Variants in C13orf42 observed in about 807,000 individuals in gnomAD.
C13orf42 encodes chromosome 13 open reading frame 42, also known as uncharacterized protein C13orf42.
At chr13:51,147,244 A>G (rs1953742562) in intron 1 of C13orf42, among the ~76,000 whole-genome samples, 1 of 151,866 alleles carries the variant, frequency 6.6e-6, no homozygotes, top group South Asian at 2.1e-4. Flanking sequence ...CCCCTTTCTT[A>G]TCTCCTACAC....
intron 1 of C13orf42, among the ~76,000 whole-genome samples, chr13:51,130,862 A>AAAT (rs1555267618): frequency 9.4e-5 from 14 of 148,238 alleles, no homozygotes; most frequent in African/African-American, 2.2e-4. Context: ...GTAAAAAAAA[A>AAAT]ATATATATAT....
intron 1 of C13orf42, among the ~76,000 whole-genome samples, chr13:51,156,595 T>C (rs1023782838): frequency 6.6e-6 from 1 of 152,226 alleles, no homozygotes; most frequent in Non-Finnish European, 1.5e-5. Context: ...TTACTTGTTA[T>C]AAGGTCTCTT....
intron 1 of C13orf42, among the ~76,000 whole-genome samples, chr13:51,156,194 T>C (rs1252731707): frequency 6.6e-6 from 1 of 152,128 alleles, no homozygotes; most frequent in Non-Finnish European, 1.5e-5. Context: ...TGTTAACCCA[T>C]AGGAGGGAGG....
At chr13:51,150,537 A>C (rs1269647008) in intron 1 of C13orf42, among the ~76,000 whole-genome samples, 1 of 152,208 alleles carries the variant, frequency 6.6e-6, no homozygotes, top group Non-Finnish European at 1.5e-5. Flanking sequence ...TTTGGCATAA[A>C]TTCTGCGTAA....
intron 1 of C13orf42, among the ~76,000 whole-genome samples, chr13:51,121,605 G>A (rs1460771543): frequency 1.4e-5 from 2 of 146,150 alleles, no homozygotes; most frequent in Admixed American, 7.0e-5. Context: ...GCGTGGTCTC[G>A]GCTCACTGCA....
intron 1 of C13orf42, among the ~76,000 whole-genome samples, chr13:51,156,631 G>A (rs1953825939): frequency 6.6e-6 from 1 of 152,142 alleles, no homozygotes; most frequent in African/African-American, 2.4e-5. Flanking sequence ...GTGATAAAAT[G>A]GAACAAAAGA....
chr13:51,156,650 A>G (rs1282741966), intron 1 of C13orf42, among the ~76,000 whole-genome samples: 2 of 152,234 alleles, frequency 1.3e-5, no homozygotes, highest in Non-Finnish European at 2.9e-5. Flanking sequence ...GACACCTACC[A>G]TATAAGATTA....
intron 1 of C13orf42, among the ~76,000 whole-genome samples, chr13:51,106,426 T>C (rs1953356453): frequency 1.3e-5 from 2 of 152,202 alleles, no homozygotes; most frequent in South Asian, 4.1e-4. Context: ...TTCTAGGTTA[T>C]ACAATATCAA....
chr13:51,126,260 A>G (rs1593543957), intron 1 of C13orf42, among the ~76,000 whole-genome samples: 1 of 152,348 alleles, frequency 6.6e-6, no homozygotes, highest in Middle Eastern at 3.4e-3. Context: ...TATGAACAGC[A>G]GTGCCAATGA....
intron 1 of C13orf42, among the ~76,000 whole-genome samples, chr13:51,153,993 C>T (rs1240412026): frequency 6.6e-6 from 1 of 152,096 alleles, no homozygotes; most frequent in African/African-American, 2.4e-5. Context: ...CATTACTCCC[C>T]ATTTTCCCCT....
chr13:51,132,934 G>T (rs1313741309), intron 1 of C13orf42, among the ~76,000 whole-genome samples: 4 of 152,078 alleles, frequency 2.6e-5, no homozygotes, highest in African/African-American at 7.2e-5. Context: ...AGTGACCACT[G>T]GTCGTCCTCA....
At chr13:51,162,976 A>G (rs753822590) in intron 1 of C13orf42, among the ~76,000 whole-genome samples, 3 of 152,168 alleles carry the variant, frequency 2.0e-5, no homozygotes, top group African/African-American at 4.8e-5. Context: ...CTTAAGTAAC[A>G]TATATTGAGG....
chr13:51,164,690 T>A (rs1170663528), intron 1 of C13orf42, among the ~76,000 whole-genome samples: 3 of 152,150 alleles, frequency 2.0e-5, no homozygotes, highest in Non-Finnish European at 4.4e-5. Context: ...AAAACCTGAA[T>A]AACAATTTTT....
intron 1 of C13orf42, among the ~76,000 whole-genome samples, chr13:51,129,225 C>T (rs1234816653): frequency 6.6e-6 from 1 of 152,212 alleles, no homozygotes; most frequent in Non-Finnish European, 1.5e-5. Flanking sequence ...CTCAGCTGGA[C>T]TGGCAAAACA....
intron 1 of C13orf42, among the ~76,000 whole-genome samples, chr13:51,164,561 G>A (rs540478948): frequency 3.3e-5 from 5 of 152,290 alleles, no homozygotes; most frequent in Middle Eastern, 3.4e-3. Context: ...TCAGGAGGCC[G>A]AAGTAGGAGG....
At chr13:51,126,396 C>A (rs1279693002) in intron 1 of C13orf42, among the ~76,000 whole-genome samples, 6 of 152,126 alleles carry the variant, frequency 3.9e-5, no homozygotes, top group Non-Finnish European at 1.5e-5. Context: ...AAATTAGTTA[C>A]ATTCAGGCAA....
chr13:51,136,440 A>G (rs1053175593), intron 1 of C13orf42, among the ~76,000 whole-genome samples: 2 of 152,184 alleles, frequency 1.3e-5, no homozygotes, highest in African/African-American at 4.8e-5. Context: ...TATGGAGCAA[A>G]TCAGATTCTG....
chr13:51,131,450 C>A (rs1953615819), intron 1 of C13orf42, among the ~76,000 whole-genome samples: 1 of 152,198 alleles, frequency 6.6e-6, no homozygotes, highest in Non-Finnish European at 1.5e-5. Flanking sequence ...AGTCCCTGTA[C>A]AGGTTTCCTG....
intron 1 of C13orf42, among the ~76,000 whole-genome samples, chr13:51,153,077 A>G (rs1056452705): frequency 3.3e-5 from 5 of 152,202 alleles, no homozygotes; most frequent in African/African-American, 1.2e-4. Context: ...TGCAGTGGCA[A>G]TCTTAAAACT....
Sources: gnomAD v4.1 joint callset for allele counts (sites outside exome capture counted in the v4.1 genomes callset) on GRCh38, gnomAD v4.1.1 for gene constraint, MANE v1.5 for transcripts, NCBI Gene and HGNC (gene_info 2026-07-23, HGNC 2026-07-21) for gene names.